The following PDSS1 variants were observed in gnomAD, a reference collection of about 807,000 sequenced individuals.
PDSS1 encodes the protein decaprenyl diphosphate synthase subunit 1.
A neutral mutation model predicts 57.5 loss-of-function variants in PDSS1; 43 were observed. The ratio of observed to expected loss-of-function variants is 0.75; its 90% CI spans 0.59 to 0.96. The LOEUF is 0.96. PDSS1 is among the 50% of genes least tolerant of loss of function. The probability of loss-of-function intolerance (pLI) is 0.00; values close to 1 mark genes in which losing one functional copy is unlikely to be tolerated. For missense variants in PDSS1, 438 were observed against 527.8 expected (o/e 0.83, Z 1.67); for synonymous variants, 175 against 191.3 (o/e 0.91, Z 0.70).
Position 26,733,843 on chromosome 10 carries a change from G to A in PDSS1, c.832-1397G>A, listed in dbSNP as rs531126202. Among the ~76,000 whole-genome samples the A allele has an allele frequency of 1.6e-3, 241 of 152,118 alleles. 1 individual carries two copies. The highest frequency in any genetic ancestry group is 3.4e-3 in the Middle Eastern group (1 of 294). The stretch of plus-strand genomic sequence containing the variant: ...TTAAAAATTAGCTGGGTGTGGTTGC[G>A]CGTGCCTGTAGTCCCAGCTACTCAG... On this transcript the variant is annotated intron_variant, in intron 8 of 11. Transcript: ENST00000376215.
At chr10:26,741,220 C>T (rs772327732) in intron 10 of PDSS1, among the ~76,000 whole-genome samples, 7 of 152,158 alleles carry the variant, frequency 4.6e-5, no homozygotes, top group Non-Finnish European at 1.0e-4. Flanking sequence ...CGCGGTGGCT[C>T]ACACCTGTAA....
rs10741116 is a variant in PDSS1, at chr10:26,735,781, G to A, written c.1026+202G>A. Among the ~76,000 whole-genome samples, 91,732 of 152,058 alleles carry A rather than the reference G, an allele frequency of 0.6. 29,477 individuals carry two copies. The highest frequency in any genetic ancestry group is 0.83 in the African/African-American group (34,570 of 41,522). ...TTGCTAAGACTGTTTCCTTATCTGT[G>A]AAATTGAGAAGATCACCTTTCTCCC... On this transcript the variant is annotated intron_variant, in intron 10 of 11. Coordinates refer to ENST00000376215, the MANE Select transcript of PDSS1 (RefSeq NM_014317.5).
chr10:26,704,756 C>T lies in PDSS1; in HGVS notation c.227+15C>T. The T allele has an allele frequency of 7.9e-7, 1 of 1,261,668 alleles. No individual in the cohort carries two copies. Among genetic ancestry groups the T allele is most frequent in the South Asian group, 1.2e-5 (1 of 83,432 alleles). 78.2% of individuals were successfully genotyped at this position (1,261,668 alleles called of 1,614,324 possible). A position where few individuals can be genotyped will look rare whatever the true frequency, so the allele number is the denominator to read the frequency against. Reference sequence around the variant, plus strand: ...CGTATATCACGGTAAGTTTACAGTCCATACTGCAACTACTAAAATTATCCA... The same window carrying T: ...CGTATATCACGGTAAGTTTACAGTCTATACTGCAACTACTAAAATTATCCA... On this transcript the variant is annotated intron_variant, in intron 3 of 11. Coordinates refer to ENST00000376215, the MANE Select transcript of PDSS1 (RefSeq NM_014317.5).
At chr10:26,740,783 C>A (rs1395925620) in intron 10 of PDSS1, 1 of 433,038 alleles carries the variant, frequency 2.3e-6, no homozygotes, top group Non-Finnish European at 4.7e-6. Flanking sequence ...CCTAAGACCC[C>A]AGGGGCTAAG....
At chr10:26,707,725 A>G (rs967722075) in intron 4 of PDSS1, among the ~76,000 whole-genome samples, 14 of 152,128 alleles carry the variant, frequency 9.2e-5, no homozygotes, top group African/African-American at 2.9e-4. Flanking sequence ...CTCTCAAATA[A>G]TATCACTACT....
At chr10:26,730,766 G>A (rs1234978668) in intron 8 of PDSS1, among the ~76,000 whole-genome samples, 6 of 152,046 alleles carry the variant, frequency 3.9e-5, no homozygotes, top group Non-Finnish European at 8.8e-5. Flanking sequence ...CCTGGGTTTC[G>A]TTTAGCACAA....
intron 6 of PDSS1, 121 bp downstream of exon 6, chr10:26,720,480 A>G: frequency 1.3e-6 from 1 of 753,620 alleles, no homozygotes; most frequent in Non-Finnish European, 2.4e-6. Flanking sequence ...TGGTCTTCTG[A>G]ATTTCAAAAA....
At chr10:26,713,870 A>G (rs953736686) in intron 5 of PDSS1, among the ~76,000 whole-genome samples, 7 of 152,010 alleles carry the variant, frequency 4.6e-5, no homozygotes, top group Non-Finnish European at 7.4e-5. Flanking sequence ...TGCCTTGGTT[A>G]CAAAGAGTCC....
intron 4 of PDSS1, among the ~76,000 whole-genome samples, chr10:26,707,781 C>T (rs957422835): frequency 2.0e-5 from 3 of 152,238 alleles, no homozygotes; most frequent in African/African-American, 4.8e-5. Context: ...AACTACTCAC[C>T]GGGAACGCCA....
intron 10 of PDSS1, among the ~76,000 whole-genome samples, chr10:26,737,680 G>A (rs1197426): frequency 0.014 from 1,809 of 133,926 alleles, 17 homozygotes; most frequent in Non-Finnish European, 0.021. Context: ...GCAGTGAGCC[G>A]AGACTGCACT....
chr10:26,719,414 G>A (rs1186324056), intron 5 of PDSS1, among the ~76,000 whole-genome samples: 9 of 152,308 alleles, frequency 5.9e-5, no homozygotes, highest in Admixed American at 5.9e-4. Flanking sequence ...ATGTGAGTTG[G>A]AAGAAAGTTT....
At chr10:26,712,296 C>T (rs1835427726) in intron 5 of PDSS1, among the ~76,000 whole-genome samples, 1 of 100,266 alleles carries the variant, frequency 1.0e-5, no homozygotes, top group African/African-American at 3.2e-5. Flanking sequence ...CCACCGCGCC[C>T]AGCCAATTTG....
chr10:26,730,530 G>GC (rs769473551), intron 8 of PDSS1, among the ~76,000 whole-genome samples: 33 of 151,900 alleles, frequency 2.2e-4, no homozygotes, highest in Non-Finnish European at 3.8e-4. Context: ...GATCACCTGA[G>GC]CCCTGGGAGG....
In PDSS1 at chr10:26,723,717, C is replaced by T. The variant is rs576623447; in HGVS notation, c.610-89C>T. The T allele has an allele frequency of 1.3e-4, 115 of 892,072 alleles. 2 individuals are homozygous for T. In the South Asian group the frequency reaches 1.3e-3, roughly 10 times the overall value. The allele number at this position is 892,072 out of a possible 1,614,324, so 55.3% of individuals were successfully genotyped here. ...CATCCAAGATGAGCCCCCACTTCCACGAAGCTCCCTTCCAGTCAGTTTCAT... is the reference window on the plus strand; with the variant it reads ...CATCCAAGATGAGCCCCCACTTCCATGAAGCTCCCTTCCAGTCAGTTTCAT... On this transcript the variant is annotated intron_variant, in intron 6 of 11. Transcript: ENST00000376215.
At position 26,720,281 on chromosome 10, in the gene PDSS1, G is replaced by A. The variant is rs770030240; in HGVS notation, c.531G>A (p.Leu177=). The change falls in exon 6 of 12, where the codon CTG becomes CTA. Residue 177 remains leucine, a synonymous_variant. Coordinates refer to ENST00000376215, the MANE Select transcript of PDSS1 (RefSeq NM_014317.5). The part of the protein sequence containing the change: ...LIAEMIHTAS[L]VHDDVIDDAS... Reference sequence around the variant, plus strand: ...CAGAAATGATCCACACTGCTAGTCTGGTTCACGATGACGTTATTGACGATG... The same window carrying A: ...CAGAAATGATCCACACTGCTAGTCTAGTTCACGATGACGTTATTGACGATG... 23 of 1,614,042 alleles carry A rather than the reference G, an allele frequency of 1.4e-5. No individual in the cohort carries two copies. In the South Asian group the frequency reaches 2.5e-4, roughly 18 times the overall value.
intron 1 of PDSS1, among the ~76,000 whole-genome samples, chr10:26,700,760 C>G (rs1023292126): frequency 1.3e-5 from 2 of 152,068 alleles, no homozygotes; most frequent in African/African-American, 4.8e-5. Flanking sequence ...AACCTCTTTC[C>G]TATAATTATA....
Position 26,704,861 on chromosome 10 carries a change from T to C in PDSS1, c.227+120T>C. On this transcript the variant is annotated intron_variant, in intron 3 of 11. Transcript: ENST00000376215. The stretch of plus-strand genomic sequence containing the variant: ...TGTGTTGCCCAGGCTGGTCTTGAAC[T>C]GCTGGCCTCAAGCTATCCTCCCACC... 4.4e-6 allele frequency: 3 copies of C among 678,972 alleles called. No individual in the cohort carries two copies. The South Asian group carries it at 4.8e-5, about 11-fold the overall frequency. 42.1% of individuals were successfully genotyped at this position (678,972 alleles called of 1,614,324 possible). A position where few individuals can be genotyped will look rare whatever the true frequency, so the allele number is the denominator to read the frequency against.
At chr10:26,715,697 A>C (rs1465809282) in intron 5 of PDSS1, 1 of 152,016 alleles carries the variant, frequency 6.6e-6, no homozygotes, top group African/African-American at 2.4e-5. Context: ...GCGCCTGGGC[A>C]CTCCTACACT....
At chr10:26,710,364 G>T (rs572323466) in intron 5 of PDSS1, among the ~76,000 whole-genome samples, 1 of 89,672 alleles carries the variant, frequency 1.1e-5, no homozygotes, top group Non-Finnish European at 2.5e-5. Flanking sequence ...TCCTGCCTCA[G>T]CCTCCCAAGT....
Sources: allele counts gnomAD v4.1 joint callset (sites outside exome capture counted in the v4.1 genomes callset), GRCh38; gene constraint gnomAD v4.1.1; transcripts MANE v1.5; gene names NCBI Gene and HGNC (gene_info 2026-07-23, HGNC 2026-07-21).